Variants in ZCCHC8 observed in about 807,000 individuals in gnomAD.
The protein encoded by ZCCHC8 is zinc finger CCHC-type containing 8.
Under a neutral mutation model 70.6 loss-of-function variants are expected in ZCCHC8, and 27 were observed. That is an observed-to-expected ratio of 0.38 (90% CI 0.28 to 0.53). ZCCHC8 has a LOEUF of 0.53. ZCCHC8 is among the 20% of genes least tolerant of loss of function. The probability of loss-of-function intolerance (pLI) is 0.81; values close to 1 mark genes in which losing one functional copy is unlikely to be tolerated. For missense variants in ZCCHC8, 737 were observed against 876.9 expected (o/e 0.84, Z 2.01); for synonymous variants, 293 against 317.4 (o/e 0.92, Z 0.82).
Position 122,473,365 on chromosome 12 carries a change from T to A in ZCCHC8, c.*132A>T, listed in dbSNP as rs1319013035. 4 of 1,070,850 alleles carry A rather than the reference T, an allele frequency of 3.7e-6. No individual in the cohort carries two copies. Among genetic ancestry groups the A allele is most frequent in the Non-Finnish European group, 5.3e-6 (4 of 759,730 alleles). The allele number at this position is 1,070,850 out of a possible 1,614,324, so 66.3% of individuals were successfully genotyped here. A position where few individuals can be genotyped will look rare whatever the true frequency, so the allele number is the denominator to read the frequency against. On this transcript the variant is annotated 3_prime_UTR_variant, in exon 14 of 14. Coordinates refer to ENST00000633063, the MANE Select transcript of ZCCHC8 (RefSeq NM_017612.5). ...GTCTTTCTTTAAAATAGGCTTGACT[T>A]TGGAACATGAACCTTGGATAGATTT...
chr12:122,493,594 GTATTTT>G (rs1244126692), intron 2 of ZCCHC8, among the ~76,000 whole-genome samples: 26 of 151,674 alleles, frequency 1.7e-4, no homozygotes, highest in African/African-American at 5.8e-4. Flanking sequence ...GCTAATTTTT[GTATTTT>G]TATTTTTATT....
intron 3 of ZCCHC8, 70 bp downstream of exon 3, chr12:122,492,645 C>T: frequency 1.0e-6 from 1 of 982,788 alleles, no homozygotes; most frequent in South Asian, 1.5e-5. Context: ...CAAATGAAAA[C>T]AGCATATTTA....
chr12:122,493,088 G>A (rs932818594), intron 2 of ZCCHC8, among the ~76,000 whole-genome samples: 2 of 151,940 alleles, frequency 1.3e-5, no homozygotes, highest in Admixed American at 6.6e-5. Context: ...GGCTGGTCTC[G>A]AACTCCTGAG....
In ZCCHC8 at chr12:122,483,182, T is replaced by G; in HGVS notation, c.671+97A>C. 2 of 1,115,258 alleles carry G rather than the reference T, an allele frequency of 1.8e-6. No individual in the cohort carries two copies. The highest frequency in any genetic ancestry group is 2.6e-6 in the Non-Finnish European group (2 of 770,610). 69.1% of individuals were successfully genotyped at this position (1,115,258 alleles called of 1,614,324 possible). Reference sequence around the variant, plus strand: ...GCTCAATCTGTAATTAACCTTAGAGTAAACCAGCAGTAAAGAACATGAACT... The same window carrying G: ...GCTCAATCTGTAATTAACCTTAGAGGAAACCAGCAGTAAAGAACATGAACT... On this transcript the variant is annotated intron_variant, in intron 7 of 13. Coordinates refer to ENST00000633063, the MANE Select transcript of ZCCHC8 (RefSeq NM_017612.5). The surrounding 1 kb of genome is among the most constrained non-coding windows in gnomAD (Gnocchi z 4.4).
At chr12:122,480,148 A>G in intron 11 of ZCCHC8, 42 bp downstream of exon 11, 1 of 1,489,460 alleles carries the variant, frequency 6.7e-7, no homozygotes, top group South Asian at 1.2e-5. Context: ...TAACATAATA[A>G]TATCACATCA....
intron 2 of ZCCHC8, among the ~76,000 whole-genome samples, chr12:122,496,202 T>G (rs996407939): frequency 7.2e-5 from 11 of 151,970 alleles, no homozygotes; most frequent in African/African-American, 2.7e-4. Context: ...CAGGAGAAAC[T>G]TCTGATTATA....
chr12:122,474,162 G>T lies in ZCCHC8; in HGVS notation c.1459C>A (p.Pro487Thr), dbSNP rs772289483. The T allele has an allele frequency of 6.6e-7, 1 of 1,515,838 alleles. No individual in the cohort carries two copies. The highest frequency in any genetic ancestry group is 1.4e-5 in the South Asian group (1 of 72,086). 93.9% of individuals were successfully genotyped at this position (1,515,838 alleles called of 1,614,324 possible). ...AGCGGCGGGGTGCCCTTTGGGAGTG[G>T]AGGGGTGAAGACGGGTGGAGGAGTT... ...RGTPPPVFTP[P>T]LPKGTPPLTP... The change falls in exon 14 of 14, where the codon CCA (proline) becomes ACA (threonine). Residue 487 changes from proline (P) to threonine (T), a missense_variant. Physicochemically the swap from Pro to Thr is conservative, Grantham distance 38 (BLOSUM62 -1). Transcript: ENST00000633063.
intron 5 of ZCCHC8, among the ~76,000 whole-genome samples, chr12:122,487,820 CTCTT>C (rs1957669147): frequency 6.6e-6 from 1 of 152,042 alleles, no homozygotes; most frequent in African/African-American, 2.4e-5. Context: ...AGGCCCATAT[CTCTT>C]TCTTTTTTAT....
intron 3 of ZCCHC8, among the ~76,000 whole-genome samples, chr12:122,491,646 T>C (rs1247433473): frequency 6.6e-6 from 1 of 151,016 alleles, no homozygotes; most frequent in Non-Finnish European, 1.5e-5. Flanking sequence ...CTGACCAACA[T>C]GGAGAAACCC....
In ZCCHC8 at chr12:122,491,891, C is replaced by T. The variant is rs1406016952; in HGVS notation, c.317+824G>A. ...TAGGTGAATGGTGCAGAAATGAGAC[C>T]GTCATGAGCTAGAGGGTTACTGATT... is the stretch of plus-strand genomic sequence containing the variant. On this transcript the variant is annotated intron_variant, in intron 3 of 13. Coordinates refer to ENST00000633063, the MANE Select transcript of ZCCHC8 (RefSeq NM_017612.5). 4.6e-5 allele frequency among the ~76,000 whole-genome samples: 7 copies of T among 151,804 alleles called. 1 individual carries two copies. In the South Asian group the frequency reaches 6.2e-4, roughly 13 times the overall value.
rs770606298 is a variant in ZCCHC8, at chr12:122,473,630, C to T, written c.1991G>A (p.Ser664Asn). Residue 664 changes from serine (S) to asparagine (N), a missense_variant, in exon 14 of 14, where the codon AGC (serine) becomes AAC (asparagine). Transcript: ENST00000633063. ...TKIHSPIPDMSKFATGITPFE... is the reference protein window; with the variant it reads ...TKIHSPIPDMNKFATGITPFE... ...TGGCGTGATTCCAGTTGCAAATTTG[C>T]TCATGTCAGGTATAGGGCTATGAAT... 3 of 1,613,846 alleles carry T rather than the reference C, an allele frequency of 1.9e-6. No homozygotes were observed. The Admixed American group carries it at 5.0e-5, about 27-fold the overall frequency.
intron 5 of ZCCHC8, among the ~76,000 whole-genome samples, chr12:122,486,845 C>T (rs1478335607): frequency 6.6e-6 from 1 of 152,204 alleles, no homozygotes; most frequent in East Asian, 1.9e-4. Flanking sequence ...GCTGGGATTA[C>T]AGATGTGAGC....
At chr12:122,478,587 G>A (rs1288066994) in intron 11 of ZCCHC8, 2 of 280,800 alleles carry the variant, frequency 7.1e-6, no homozygotes, top group Non-Finnish European at 1.3e-5. Context: ...GGGCCTCCCA[G>A]GCTCCAGTCT....
chr12:122,488,692 G>A (rs1957688001), intron 5 of ZCCHC8, among the ~76,000 whole-genome samples: 1 of 151,888 alleles, frequency 6.6e-6, no homozygotes, highest in Admixed American at 6.6e-5. Flanking sequence ...CCAACATGGT[G>A]AAACCCTGTC....
chr12:122,484,426 T>G (rs1337727423), intron 5 of ZCCHC8, among the ~76,000 whole-genome samples: 1 of 151,474 alleles, frequency 6.6e-6, no homozygotes, highest in African/African-American at 2.4e-5. Context: ...TTTTTTTTTT[T>G]TTTTGAGGCA....
Position 122,500,645 on chromosome 12 carries a change from C to T in ZCCHC8, c.196G>A (p.Glu66Lys), listed in dbSNP as rs868811989. The change falls in exon 1 of 14, where the codon GAG becomes AAG. Residue 66 changes from glutamate to lysine, a missense_variant. Coordinates refer to ENST00000633063, the MANE Select transcript of ZCCHC8 (RefSeq NM_017612.5). This position sits in a 1 kb window ranked among gnomAD's most constrained non-coding sequence, Gnocchi z 4.8. Reference protein sequence around the residue: ...CEETIEQLRAENQELKRKLNI... With the variant: ...CEETIEQLRAKNQELKRKLNI... ...GCCCAGCGAGAGGAAAGGATATTCTCGGCGCGGAGCTGCTCGATGGTCTCC... is the reference window on the plus strand; with the variant it reads ...GCCCAGCGAGAGGAAAGGATATTCTTGGCGCGGAGCTGCTCGATGGTCTCC... 2.1e-5 allele frequency: 33 copies of T among 1,569,178 alleles called. No homozygotes were observed. The highest frequency in any genetic ancestry group is 2.7e-5 in the Non-Finnish European group (31 of 1,158,984).
chr12:122,474,021 C>T lies in ZCCHC8; in HGVS notation c.1600G>A (p.Ala534Thr). 6.4e-7 allele frequency: 1 copy of T among 1,552,628 alleles called. No homozygotes were observed. The highest frequency in any genetic ancestry group is 1.3e-5 in the South Asian group (1 of 79,580). ...QRRIWAALEQAESVNSDSDVP... is the reference protein window; with the variant it reads ...QRRIWAALEQTESVNSDSDVP... ...TCGGAGTCGCTGTTTACGCTCTCGG[C>T]CTGCTCAAGAGCTGCCCAGATCCGC... Residue 534 changes from alanine to threonine, a missense_variant, in exon 14 of 14, where the codon GCC (alanine) becomes ACC (threonine). Transcript: ENST00000633063.
chr12:122,478,755 C>T (rs1321685029), intron 11 of ZCCHC8, among the ~76,000 whole-genome samples: 2 of 152,134 alleles, frequency 1.3e-5, no homozygotes, highest in African/African-American at 2.4e-5. Context: ...CATCTCCAAT[C>T]GCACATTCAA....
At chr12:122,492,841 A>T in intron 2 of ZCCHC8, 52 bp from the exon 3 acceptor site, 1 of 1,179,770 alleles carries the variant, frequency 8.5e-7, no homozygotes, top group South Asian at 1.4e-5. Flanking sequence ...TAAAACTTGC[A>T]TACGTATATA....
Sources: gnomAD v4.1 joint callset for allele counts (sites outside exome capture counted in the v4.1 genomes callset) on GRCh38, gnomAD v4.1.1 for gene constraint, Gnocchi (gnomAD v3.1) non-coding constraint, MANE v1.5 for transcripts, NCBI Gene and HGNC (gene_info 2026-07-23, HGNC 2026-07-21) for gene names.